Variants in RBM19 observed in about 807,000 individuals in gnomAD.
RBM19 encodes RNA binding motif protein 19, also known as probable RNA-binding protein 19.
In RBM19, 94 loss-of-function variants were observed where a neutral mutation model predicts 116.8. The observed-to-expected ratio is 0.80, with a 90% CI of 0.68 to 0.95. The LOEUF is 0.95. Among genes scored for constraint, RBM19 ranks in the 40% least tolerant of loss-of-function variants. The pLI is 0.00. For synonymous variants in RBM19, 475 were observed against 494.1 expected, an observed-to-expected ratio of 0.96 and a Z score of 0.51; for missense variants, 1,161 against 1,220.7, an observed-to-expected ratio of 0.95 and a Z score of 0.73.
rs781718566 is a variant in RBM19 at position 113,966,261 on chromosome 12, G to C, written c.-34C>G. On this transcript the variant is annotated 5_prime_UTR_variant, in exon 1 of 24. Coordinates refer to ENST00000261741, the MANE Select transcript of RBM19 (RefSeq NM_016196.4). The stretch of plus-strand genomic sequence containing the variant: ...GTCCCCGCTGTTTTGATTCCAACAC[G>C]ACTGGTCAGCGTCTTCCACCAAGTT... 4 of 1,613,538 alleles carry C rather than the reference G, an allele frequency of 2.5e-6. No individual in the cohort carries two copies. Among genetic ancestry groups the C allele is most frequent in the Non-Finnish European group, 2.5e-6 (3 of 1,179,924 alleles).
intron 10 of RBM19, among the ~76,000 whole-genome samples, chr12:113,948,103 C>T (rs1013010333): frequency 6.6e-6 from 1 of 152,186 alleles, no homozygotes; most frequent in African/African-American, 2.4e-5. Flanking sequence ...CCACTCAGGG[C>T]ATCCTTACCC....
intron 7 of RBM19, 63 bp downstream of exon 7, chr12:113,955,068 G>T: frequency 6.5e-7 from 1 of 1,538,758 alleles, no homozygotes; most frequent in Non-Finnish European, 9.0e-7. Flanking sequence ...AAGGCTCCTG[G>T]CCTCCCCACC....
At chr12:113,876,023 T>A (rs1879646823) in intron 21 of RBM19, among the ~76,000 whole-genome samples, 1 of 145,390 alleles carries the variant, frequency 6.9e-6, no homozygotes, top group South Asian at 2.5e-4. Flanking sequence ...TGCCTTGGGG[T>A]GGGTGTGGGG....
At chr12:113,841,179 T>C (rs1876436460) in intron 23 of RBM19, among the ~76,000 whole-genome samples, 2 of 152,204 alleles carry the variant, frequency 1.3e-5, no homozygotes, top group African/African-American at 4.8e-5. Flanking sequence ...AGCTTCCTCA[T>C]CTGTACAATG....
At position 113,844,645 on chromosome 12, in the gene RBM19, C is replaced by T. The variant is rs114484376; in HGVS notation, c.2785+23G>A. 5,688 of 1,598,436 alleles carry T rather than the reference C, an allele frequency of 3.6e-3. 175 individuals are homozygous for T. The African/African-American group carries it at 0.062, about 18-fold the overall frequency. On this transcript the variant is annotated intron_variant, in intron 23 of 23. Transcript: ENST00000261741. ...TTCCCCAGGGGGCCCATGAGTCAGCCCAAAAGACCGTCCCGCTCCTACCGT... is the reference window on the plus strand; with the variant it reads ...TTCCCCAGGGGGCCCATGAGTCAGCTCAAAAGACCGTCCCGCTCCTACCGT...
At chr12:113,847,267 C>T (rs1877072176) in intron 22 of RBM19, among the ~76,000 whole-genome samples, 1 of 152,152 alleles carries the variant, frequency 6.6e-6, no homozygotes, top group African/African-American at 2.4e-5. Flanking sequence ...AGACATGCAG[C>T]CAAATTAAAG....
At chr12:113,879,021 G>A (rs927171241) in intron 21 of RBM19, among the ~76,000 whole-genome samples, 27 of 152,236 alleles carry the variant, frequency 1.8e-4, no homozygotes, top group East Asian at 7.8e-4. Flanking sequence ...TCCCATCCCC[G>A]CCGTCTTGCA....
chr12:113,896,386 C>T (rs1045975525), intron 21 of RBM19, among the ~76,000 whole-genome samples: 18 of 152,314 alleles, frequency 1.2e-4, no homozygotes, highest in African/African-American at 4.1e-4. Context: ...GGGGCATGTC[C>T]GCCTTAAAGG....
At chr12:113,823,749 C>T (rs1416624640) in intron 23 of RBM19, among the ~76,000 whole-genome samples, 1 of 152,174 alleles carries the variant, frequency 6.6e-6, no homozygotes, top group Non-Finnish European at 1.5e-5. Context: ...GTGCTGCTTC[C>T]TCACAGCAGG....
intron 21 of RBM19, among the ~76,000 whole-genome samples, chr12:113,896,089 A>C (rs1199926316): frequency 6.6e-6 from 1 of 152,102 alleles, no homozygotes; most frequent in Non-Finnish European, 1.5e-5. Flanking sequence ...CTGTTTTTGA[A>C]TGTCAAAGAT....
intron 16 of RBM19, among the ~76,000 whole-genome samples, chr12:113,935,678 G>A (rs1300231377): frequency 1.3e-5 from 2 of 152,230 alleles, no homozygotes; most frequent in African/African-American, 2.4e-5. Context: ...GATACACAGT[G>A]AAACAAGGAA....
At chr12:113,959,976 G>A (rs1364878564) in intron 3 of RBM19, 73 bp from the exon 4 acceptor site, 2 of 1,613,226 alleles carry the variant, frequency 1.2e-6, no homozygotes, top group Non-Finnish European at 1.7e-6. Context: ...GCACTGACCT[G>A]GGAGGGCCCA....
chr12:113,904,647 A>G (rs1405349379), intron 21 of RBM19, among the ~76,000 whole-genome samples: 2 of 152,206 alleles, frequency 1.3e-5, no homozygotes, highest in Non-Finnish European at 2.9e-5. Context: ...GCTGACATGC[A>G]TGGATCCCAA....
At chr12:113,824,603 A>G (rs11066774) in intron 23 of RBM19, among the ~76,000 whole-genome samples, 31,690 of 151,816 alleles carry the variant, frequency 0.21, 3,611 homozygotes, top group Middle Eastern at 0.33. Context: ...ATTTATCCGC[A>G]GGCTGTGAGC....
At chr12:113,946,023 C>G (rs1483882218) in intron 12 of RBM19, 99 bp from the exon 13 acceptor site, 2 of 1,120,920 alleles carry the variant, frequency 1.8e-6, no homozygotes, top group East Asian at 2.5e-5. Context: ...CCTAGGCCTG[C>G]CTATCTACAT....
intron 21 of RBM19, among the ~76,000 whole-genome samples, chr12:113,878,826 GAAA>G (rs55682400): frequency 5.1e-5 from 4 of 79,124 alleles, no homozygotes; most frequent in African/African-American, 1.4e-4. Context: ...CCAAAGAATT[GAAA>G]AAAAAAAAAA....
intron 21 of RBM19, among the ~76,000 whole-genome samples, chr12:113,861,347 T>C (rs1398632217): frequency 6.6e-6 from 1 of 151,918 alleles, no homozygotes; most frequent in Non-Finnish European, 1.5e-5. Context: ...AAGGTGGGGG[T>C]AGACCGAGTC....
chr12:113,936,297 T>C (rs973877705), intron 16 of RBM19, among the ~76,000 whole-genome samples: 1 of 152,176 alleles, frequency 6.6e-6, no homozygotes, highest in African/African-American at 2.4e-5. Context: ...CTGTTGGTCT[T>C]GGCTTCTAAG....
chr12:113,889,939 G>A (rs551789417), intron 21 of RBM19, among the ~76,000 whole-genome samples: 5 of 151,452 alleles, frequency 3.3e-5, no homozygotes, highest in South Asian at 2.1e-4. Flanking sequence ...GAGCCTCAGC[G>A]CTCAGATCCG....
Sources: allele counts gnomAD v4.1 joint callset (sites outside exome capture counted in the v4.1 genomes callset), GRCh38; gene constraint gnomAD v4.1.1; transcripts MANE v1.5; gene names NCBI Gene and HGNC (gene_info 2026-07-23, HGNC 2026-07-21).